ZNF726: variants seen among roughly 807,000 people sequenced by gnomAD.
ZNF726 encodes the protein zinc finger protein 726, also known as zinc finger protein 92 pseudogene 3.
In ZNF726, 15 loss-of-function variants were observed where a neutral mutation model predicts 11.6. The ratio of observed to expected loss-of-function variants is 1.29; its 90% CI spans 0.86 to 1.99. The LOEUF is 1.99. ZNF726 is among the 30% of genes most tolerant of loss of function. ZNF726 has a pLI of 0.00. For synonymous variants in ZNF726, 295 were observed against 243.6 expected, an observed-to-expected ratio of 1.21 and a Z score of -1.96; for missense variants, 890 against 725.6, an observed-to-expected ratio of 1.23 and a Z score of -2.60.
At chr19:23,926,854 A>G (rs1476600382) in intron 3 of ZNF726, among the ~76,000 whole-genome samples, 1 of 152,014 alleles carries the variant, frequency 6.6e-6, no homozygotes, top group South Asian at 2.1e-4. Flanking sequence ...GTTGATTTTA[A>G]TGTGTTTCAA....
intron 3 of ZNF726, among the ~76,000 whole-genome samples, chr19:23,941,198 G>T (rs770324757): frequency 6.6e-6 from 1 of 152,058 alleles, no homozygotes; most frequent in African/African-American, 2.4e-5. Context: ...AGTGATGCTG[G>T]ATTTTGTCAA....
intron 1 of ZNF726, among the ~76,000 whole-genome samples, chr19:23,917,267 C>T (rs1967724170): frequency 6.6e-6 from 1 of 152,136 alleles, no homozygotes; most frequent in Non-Finnish European, 1.5e-5. Context: ...AGTTTTTTAA[C>T]TGTGTATTGC....
At chr19:23,923,192 A>G (rs1967895732) in intron 3 of ZNF726, among the ~76,000 whole-genome samples, 3 of 152,036 alleles carry the variant, frequency 2.0e-5, no homozygotes, top group Admixed American at 2.0e-4. Context: ...ATTCTGCTAA[A>G]TATATATATA....
rs577176051 is a variant in ZNF726 at position 23,932,466 on chromosome 19, G to A, written c.350G>A (p.Cys117Tyr). The change falls in exon 4 of 4, where the codon TGT (cysteine) becomes TAT (tyrosine). Residue 117 changes from cysteine to tyrosine, a missense_variant. Coordinates refer to ENST00000594466, the MANE Select transcript of ZNF726 (RefSeq NM_001244038.2). ...GHENLQLRKGCKSVDECKVHK... is the reference protein window; with the variant it reads ...GHENLQLRKGYKSVDECKVHK... Reference sequence around the variant, plus strand: ...GAGAATTTACAGTTAAGAAAAGGTTGTAAAAGTGTGGATGAGTGTAAGGTA... The same window carrying A: ...GAGAATTTACAGTTAAGAAAAGGTTATAAAAGTGTGGATGAGTGTAAGGTA... The A allele has an allele frequency of 2.5e-6, 4 of 1,582,082 alleles. No individual in the cohort carries two copies. The highest frequency in any genetic ancestry group is 1.2e-5 in the South Asian group (1 of 83,898).
At chr19:23,937,713 T>C (rs9676714), downstream of ZNF726, among the ~76,000 whole-genome samples, 35,808 of 148,466 alleles carry the variant, frequency 0.24, 4,398 homozygotes, top group African/African-American at 0.27. Flanking sequence ...GGCGGCCAGG[T>C]AGAGACGCTC....
downstream of ZNF726, among the ~76,000 whole-genome samples, chr19:23,938,644 G>C (rs1599475477): frequency 8.9e-6 from 1 of 112,826 alleles, no homozygotes; most frequent in Admixed American, 1.2e-4. Context: ...GTCTTGCTCT[G>C]TTGCCCAGAC....
At chr19:23,927,267 A>G (rs1006596729) in intron 3 of ZNF726, among the ~76,000 whole-genome samples, 7 of 152,172 alleles carry the variant, frequency 4.6e-5, no homozygotes, top group Non-Finnish European at 1.0e-4. Context: ...TCACCCGGCC[A>G]TAAAAATTAT....
In ZNF726 at chr19:23,932,861, G is replaced by C; in HGVS notation, c.745G>C (p.Val249Leu). The C allele has an allele frequency of 6.2e-7, 1 of 1,607,718 alleles. No individual in the cohort carries two copies. The highest frequency in any genetic ancestry group is 8.5e-7 in the Non-Finnish European group (1 of 1,177,356). The stretch of plus-strand genomic sequence containing the variant: ...ATCCTCAAATTATACTACACATAAG[G>C]TAACTCATACTGGAGAGAAGCCTTA... ...NQSSNYTTHK[V>L]THTGEKPYKC... The change falls in exon 4 of 4, where the codon GTA becomes CTA. Residue 249 changes from valine to leucine, a missense_variant. By Grantham distance (32) the Val-to-Leu change is conservative. Coordinates refer to ENST00000594466, the MANE Select transcript of ZNF726 (RefSeq NM_001244038.2).
At chr19:23,937,136 G>T (rs1244210874), downstream of ZNF726, among the ~76,000 whole-genome samples, 2 of 150,140 alleles carry the variant, frequency 1.3e-5, no homozygotes, top group East Asian at 2.0e-4. Flanking sequence ...CGGGCGGGGG[G>T]GCTGACCCCC....
chr19:23,925,717 T>C (rs965771280), intron 3 of ZNF726, among the ~76,000 whole-genome samples: 2 of 147,950 alleles, frequency 1.4e-5, no homozygotes, highest in Non-Finnish European at 3.0e-5. Context: ...TCTTTTCTTT[T>C]TTTTTTTTTT....
chr19:23,922,784 A>G (rs1180386700), intron 3 of ZNF726, among the ~76,000 whole-genome samples: 2 of 152,152 alleles, frequency 1.3e-5, no homozygotes, highest in African/African-American at 4.8e-5. Flanking sequence ...TTTGACCTCA[A>G]GCAGTTCTTC....
chr19:23,915,492 G>GT lies in ZNF726; in HGVS notation c.3+500dup, dbSNP rs965792221. Among the ~76,000 whole-genome samples, 62 of 152,268 alleles carry GT rather than the reference G, an allele frequency of 4.1e-4. 2 individuals carry two copies. In the Middle Eastern group the frequency reaches 0.017, roughly 42 times the overall value. ...TAATTTGTATTCCATGGAAGGAAAG[G>GT]TTTTTATAAGTTTCATCATAAAACC... is the stretch of plus-strand genomic sequence containing the variant. On this transcript the variant is annotated intron_variant, in intron 1 of 3. Coordinates refer to ENST00000594466, the MANE Select transcript of ZNF726 (RefSeq NM_001244038.2).
chr19:23,914,913 T>G lies in ZNF726; in HGVS notation c.-82T>G. 1.3e-6 allele frequency: 2 copies of G among 1,598,194 alleles called. No homozygotes were observed. The highest frequency in any genetic ancestry group is 1.7e-6 in the Non-Finnish European group (2 of 1,171,160). ...CTCTATCTGCGGCCGGAGCTCCAGGTCTCGTCCTCACTACTCTGTGTCTTC... is the reference window on the plus strand; with the variant it reads ...CTCTATCTGCGGCCGGAGCTCCAGGGCTCGTCCTCACTACTCTGTGTCTTC... On this transcript the variant is annotated 5_prime_UTR_variant, in exon 1 of 4. Transcript: ENST00000594466.
chr19:23,936,999 G>A (rs533053852), downstream of ZNF726, among the ~76,000 whole-genome samples: 9 of 151,852 alleles, frequency 5.9e-5, no homozygotes, highest in South Asian at 4.2e-4. Flanking sequence ...GGTGGTGGCC[G>A]GGCAGAGGGG....
At chr19:23,915,924 T>G (rs1009357326) in intron 1 of ZNF726, among the ~76,000 whole-genome samples, 1 of 152,206 alleles carries the variant, frequency 6.6e-6, no homozygotes, top group African/African-American at 2.4e-5. Flanking sequence ...ATCATGGTTA[T>G]GTAATCAGAG....
chr19:23,919,801 A>G, intron 2 of ZNF726, 186 bp from the exon 3 acceptor site: 1 of 455,204 alleles, frequency 2.2e-6, no homozygotes, highest in South Asian at 3.1e-5. Context: ...CAGTAGTACC[A>G]GGCAGTGAAA....
chr19:23,928,094 T>G (rs2144979778), intron 3 of ZNF726: 1 of 152,312 alleles, frequency 6.6e-6, no homozygotes, highest in East Asian at 1.9e-4. Context: ...AGCAGGTTTA[T>G]TAGAAGAACC....
At chr19:23,922,134 A>G (rs1967868567) in intron 3 of ZNF726, among the ~76,000 whole-genome samples, 1 of 152,220 alleles carries the variant, frequency 6.6e-6, no homozygotes, top group Non-Finnish European at 1.5e-5. Context: ...GTCTTGTTAA[A>G]CAGGGCTTGG....
chr19:23,937,813 T>C (rs2145000064), downstream of ZNF726, among the ~76,000 whole-genome samples: 1 of 152,282 alleles, frequency 6.6e-6, no homozygotes, highest in African/African-American at 2.4e-5. Context: ...GTGGAGGTTG[T>C]AGCAAGCCGA....
Sources: allele counts gnomAD v4.1 joint callset (sites outside exome capture counted in the v4.1 genomes callset), GRCh38; gene constraint gnomAD v4.1.1; transcripts MANE v1.5; gene names NCBI Gene and HGNC (gene_info 2026-07-23, HGNC 2026-07-21).